FNDC3B: variants seen among roughly 807,000 people sequenced by gnomAD.
FNDC3B encodes fibronectin type III domain containing 3B.
Under a neutral mutation model 151.5 loss-of-function variants are expected in FNDC3B, and 12 were observed. That is an observed-to-expected ratio of 0.08 (90% confidence interval 0.05 to 0.13). FNDC3B has a LOEUF of 0.13. Among genes scored for constraint, FNDC3B ranks in the 10% least tolerant of loss-of-function variants. The probability of loss-of-function intolerance (pLI) is 1.00; values close to 1 mark genes in which losing one functional copy is unlikely to be tolerated. For synonymous variants in FNDC3B, 528 were observed against 549.0 expected (o/e 0.96, Z 0.54); for missense variants, 1,214 against 1,505.3 (o/e 0.81, Z 3.20).
chr3:172,389,424 A>G (rs928846206), intron 25 of FNDC3B, among the ~76,000 whole-genome samples: 2 of 152,238 alleles, frequency 1.3e-5, no homozygotes, highest in South Asian at 2.1e-4. Flanking sequence ...TAGACAAGCT[A>G]TGAAGTATGT....
At chr3:172,358,392 T>C (rs574563750) in intron 22 of FNDC3B, among the ~76,000 whole-genome samples, 1 of 152,372 alleles carries the variant, frequency 6.6e-6, no homozygotes, top group Admixed American at 6.5e-5. Flanking sequence ...CAGAGCAAGT[T>C]CTCAATGTGT....
intron 1 of FNDC3B, among the ~76,000 whole-genome samples, chr3:172,066,640 T>A (rs972380851): frequency 6.6e-6 from 1 of 152,362 alleles, no homozygotes; most frequent in South Asian, 2.1e-4. Flanking sequence ...TACGTGCTGC[T>A]GTTCCCAGAC....
rs1463574398 is a variant in FNDC3B, at chr3:172,112,574, GAGATGC to G, written c.98_103del (p.Asp33_Ala34del). On this transcript the variant is annotated inframe_deletion, in exon 2 of 26. Coordinates refer to ENST00000415807, the MANE Select transcript of FNDC3B (RefSeq NM_022763.4). ...GCCATGATGCCCCACTTGGTGAATGGAGATGCAGCTCAGCAGGTTGGTGTAGGAAGA... is the reference window on the plus strand; with the variant it reads ...GCCATGATGCCCCACTTGGTGAATGGAGCTCAGCAGGTTGGTGTAGGAAGA... 6.2e-7 allele frequency: 1 copy of G among 1,612,518 alleles called. No individual in the cohort carries two copies. Among genetic ancestry groups the G allele is most frequent in the Non-Finnish European group, 8.5e-7 (1 of 1,178,530 alleles).
chr3:172,093,460 G>A (rs968953637), intron 1 of FNDC3B, among the ~76,000 whole-genome samples: 4 of 152,026 alleles, frequency 2.6e-5, no homozygotes, highest in East Asian at 3.9e-4. Flanking sequence ...GGGTTTCATC[G>A]TGTTAGCCAG....
At chr3:172,129,250 G>A (rs998119913) in intron 2 of FNDC3B, among the ~76,000 whole-genome samples, 1 of 152,168 alleles carries the variant, frequency 6.6e-6, no homozygotes, top group South Asian at 2.1e-4. Flanking sequence ...TGGAATTACA[G>A]GCATGAGCCT....
At chr3:172,227,151 G>A in intron 4 of FNDC3B, 2 of 519,788 alleles carry the variant, frequency 3.8e-6, no homozygotes, top group Non-Finnish European at 7.0e-6. Flanking sequence ...AGACACAGAA[G>A]GCCTACTAGA....
In FNDC3B at chr3:172,080,252, T is replaced by C. The variant is rs183927047; in HGVS notation, c.-28-32200T>C. Reference sequence around the variant, plus strand: ...GGGAGTTCCCACCCTTGAAGGCATCTTCTGAAGCTTAGAATTTTTTCTTTC... The same window carrying C: ...GGGAGTTCCCACCCTTGAAGGCATCCTCTGAAGCTTAGAATTTTTTCTTTC... On this transcript the variant is annotated intron_variant, in intron 1 of 25. Coordinates refer to ENST00000415807, the MANE Select transcript of FNDC3B (RefSeq NM_022763.4). 2.0e-4 allele frequency among the ~76,000 whole-genome samples: 31 copies of C among 152,206 alleles called. No homozygotes were observed. The East Asian group carries it at 2.3e-3, about 11-fold the overall frequency.
chr3:172,385,678 C>T (rs138033240), intron 25 of FNDC3B, among the ~76,000 whole-genome samples: 2 of 151,916 alleles, frequency 1.3e-5, no homozygotes, highest in African/African-American at 2.4e-5. Context: ...CCTGCCTCAG[C>T]CTCCCGAGTA....
At chr3:172,152,346 G>A (rs1315550589) in intron 3 of FNDC3B, among the ~76,000 whole-genome samples, 2 of 152,058 alleles carry the variant, frequency 1.3e-5, no homozygotes, top group Non-Finnish European at 2.9e-5. Context: ...GTATGTATGG[G>A]GTACTTAACG....
chr3:172,108,565 T>C (rs952476503), intron 1 of FNDC3B, among the ~76,000 whole-genome samples: 11 of 152,252 alleles, frequency 7.2e-5, no homozygotes, highest in Admixed American at 6.5e-5. Flanking sequence ...TCTCAGTTAC[T>C]GGTTAAAACA....
chr3:172,053,510 G>A (rs910329606), intron 1 of FNDC3B, among the ~76,000 whole-genome samples: 3 of 152,118 alleles, frequency 2.0e-5, no homozygotes, highest in Admixed American at 1.3e-4. Context: ...AGTGGCTCAC[G>A]CCTGTAATCC....
chr3:172,302,875 AGTGT>A (rs998323186), intron 9 of FNDC3B: 15 of 148,532 alleles, frequency 1.0e-4, no homozygotes, highest in African/African-American at 3.6e-4. Flanking sequence ...AGAGAGAGAG[AGTGT>A]GTGTGTGTGC....
intron 9 of FNDC3B, 151 bp downstream of exon 9, chr3:172,298,938 G>A (rs1730769340): frequency 4.0e-6 from 2 of 496,314 alleles, no homozygotes; most frequent in South Asian, 4.1e-5. Flanking sequence ...ACTCTCAAGA[G>A]CATCGTAACT....
At chr3:172,293,100 C>T (rs781501232) in intron 7 of FNDC3B, among the ~76,000 whole-genome samples, 3 of 152,168 alleles carry the variant, frequency 2.0e-5, no homozygotes. Context: ...TGGGGCTCCT[C>T]GAGGCCAAAG....
chr3:172,395,880 A>T (rs1004340487), intron 25 of FNDC3B, among the ~76,000 whole-genome samples: 1 of 152,138 alleles, frequency 6.6e-6, no homozygotes, highest in Non-Finnish European at 1.5e-5. Context: ...TACCATTCGC[A>T]CCCTCTAGGA....
chr3:172,044,621 TC>T (rs566618074), intron 1 of FNDC3B, among the ~76,000 whole-genome samples: 29 of 152,260 alleles, frequency 1.9e-4, no homozygotes, highest in African/African-American at 6.5e-4. Flanking sequence ...AACTGAAACA[TC>T]CTGTTCATAC....
chr3:172,317,426 C>T (rs1453729255), intron 11 of FNDC3B, among the ~76,000 whole-genome samples: 3 of 152,044 alleles, frequency 2.0e-5, no homozygotes, highest in Non-Finnish European at 2.9e-5. Context: ...CCTCGTGATC[C>T]GCCTGCCTCG....
At chr3:172,349,073 T>C (rs1375718139) in intron 21 of FNDC3B, among the ~76,000 whole-genome samples, 1 of 152,048 alleles carries the variant, frequency 6.6e-6, no homozygotes, top group Non-Finnish European at 1.5e-5. Context: ...GGCTGATCTC[T>C]TGAGCCAGGA....
At chr3:172,191,504 G>A (rs1393714148) in intron 3 of FNDC3B, among the ~76,000 whole-genome samples, 1 of 152,018 alleles carries the variant, frequency 6.6e-6, no homozygotes, top group Non-Finnish European at 1.5e-5. Context: ...ATTCATTGTT[G>A]TTGTTTTTAA....
Sources: allele counts gnomAD v4.1 joint callset (sites outside exome capture counted in the v4.1 genomes callset), GRCh38; gene constraint gnomAD v4.1.1; transcripts MANE v1.5; gene names NCBI Gene and HGNC (gene_info 2026-07-23, HGNC 2026-07-21).